OR5AS1: variants seen among roughly 807,000 people sequenced by gnomAD.
OR5AS1 encodes olfactory receptor family 5 subfamily AS member 1, also known as olfactory receptor 5AS1.
For missense variants in OR5AS1, 492 were observed against 378.2 expected (o/e 1.30, Z -2.50); for synonymous variants, 196 against 141.7 (o/e 1.38, Z -2.72).
chr11:56,030,702 A>G lies in OR5AS1; in HGVS notation c.284A>G (p.Tyr95Cys). The change falls in exon 2 of 2, where the codon TAT becomes TGT. Residue 95 changes from tyrosine (Y) to cysteine (C), a missense_variant. Coordinates refer to ENST00000641320, the MANE Select transcript of OR5AS1 (RefSeq NM_001001921.2). ...FLASRKSISP[Y>C]GCALQMFFFA... ...GCATCCAGGAAAAGCATCTCTCCTT[A>G]TGGGTGTGCACTACAAATGTTTTTC... is the stretch of plus-strand genomic sequence containing the variant. 1 of 1,608,046 alleles carries G rather than the reference A, an allele frequency of 6.2e-7. No individual in the cohort carries two copies. The highest frequency in any genetic ancestry group is 8.5e-7 in the Non-Finnish European group (1 of 1,176,206).
rs1208406084 is a variant in OR5AS1, at chr11:56,032,522, AGT to A, written c.*1133_*1134del. On this transcript the variant is annotated 3_prime_UTR_variant, in exon 2 of 2. Transcript: ENST00000641320. ...ACACCATGTACATGTGAAATAAAAA[AGT>A]GTGCATTTTGTAATAATTATGAAAA... 1.3e-5 allele frequency: 2 copies of A among 152,132 alleles called. No homozygotes were observed. Among genetic ancestry groups the A allele is most frequent in the African/African-American group, 4.8e-5 (2 of 41,390 alleles). The allele number at this position is 152,132 out of a possible 1,614,324, so 9.4% of individuals were successfully genotyped here.
rs1024695802 is a variant in OR5AS1, at chr11:56,036,172, A to G, written c.*4779A>G. The stretch of plus-strand genomic sequence containing the variant: ...ATTCACAGTACTAAAGGCCCACAAG[A>G]GAAAGCAGGAAAGATCTAAAATCAA... On this transcript the variant is annotated 3_prime_UTR_variant, in exon 2 of 2. Transcript: ENST00000641320. 6.6e-6 allele frequency: 1 copy of G among 152,174 alleles called. No homozygotes were observed. The highest frequency in any genetic ancestry group is 2.4e-5 in the African/African-American group (1 of 41,410). 9.4% of individuals were successfully genotyped at this position (152,174 alleles called of 1,614,324 possible).
At chr11:56,029,842 T>C (rs547652495) in intron 1 of OR5AS1, among the ~76,000 whole-genome samples, 3 of 152,134 alleles carry the variant, frequency 2.0e-5, no homozygotes, top group South Asian at 2.1e-4. Flanking sequence ...ACACAAACAG[T>C]AAATAGCAAA....
rs772359988 is a variant in OR5AS1 at position 56,030,775 on chromosome 11, T to A, written c.357T>A (p.Ala119=). ...AGTGCCTTATCCTGGCAGCAATGGC[T>A]TATGACCGCTATGCAGCCATCTGCA... ...DAECLILAAM[A]YDRYAAICNP... The change falls in exon 2 of 2, where the codon GCT becomes GCA. Residue 119 remains alanine, a synonymous_variant. Coordinates refer to ENST00000641320, the MANE Select transcript of OR5AS1 (RefSeq NM_001001921.2). 7.4e-6 allele frequency: 12 copies of A among 1,614,010 alleles called. No individual in the cohort carries two copies. In the South Asian group the frequency reaches 1.2e-4, roughly 16 times the overall value.
Position 56,034,719 on chromosome 11 carries a change from C to T in OR5AS1, c.*3326C>T, listed in dbSNP as rs1476588362. The T allele has an allele frequency of 6.6e-6, 1 of 152,086 alleles. No individual in the cohort carries two copies. The allele number at this position is 152,086 out of a possible 1,614,324, so 9.4% of individuals were successfully genotyped here. ...TATCATCCAGGAGAAACTCCCCAACCTAACAAGACAGGCCAACATTCAAAT... is the reference window on the plus strand; with the variant it reads ...TATCATCCAGGAGAAACTCCCCAACTTAACAAGACAGGCCAACATTCAAAT... On this transcript the variant is annotated 3_prime_UTR_variant, in exon 2 of 2. Transcript: ENST00000641320.
rs1220434862 is a variant in OR5AS1, at chr11:56,036,311, A to G, written c.*4918A>G. The G allele has an allele frequency of 6.6e-6, 1 of 152,112 alleles. No homozygotes were observed. The highest frequency in any genetic ancestry group is 2.4e-5 in the African/African-American group (1 of 41,390). The allele number at this position is 152,112 out of a possible 1,614,324, so 9.4% of individuals were successfully genotyped here. A position where few individuals can be genotyped will look rare whatever the true frequency, so the allele number is the denominator to read the frequency against. ...CAGAACTGAAGGAGATAGAGACATGAAAAACCCTTCAAAAAATCAATGAAT... is the reference window on the plus strand; with the variant it reads ...CAGAACTGAAGGAGATAGAGACATGGAAAACCCTTCAAAAAATCAATGAAT... On this transcript the variant is annotated 3_prime_UTR_variant, in exon 2 of 2. Coordinates refer to ENST00000641320, the MANE Select transcript of OR5AS1 (RefSeq NM_001001921.2).
Position 56,034,726 on chromosome 11 carries a change from G to A in OR5AS1, c.*3333G>A, listed in dbSNP as rs934409625. On this transcript the variant is annotated 3_prime_UTR_variant, in exon 2 of 2. Coordinates refer to ENST00000641320, the MANE Select transcript of OR5AS1 (RefSeq NM_001001921.2). ...CAGGAGAAACTCCCCAACCTAACAA[G>A]ACAGGCCAACATTCAAATTCAGGAA... The A allele has an allele frequency of 6.6e-6, 1 of 152,084 alleles. No individual in the cohort carries two copies. The highest frequency in any genetic ancestry group is 2.4e-5 in the African/African-American group (1 of 41,364). The allele number at this position is 152,084 out of a possible 1,614,324, so 9.4% of individuals were successfully genotyped here.
chr11:56,032,327 C>T lies in OR5AS1; in HGVS notation c.*934C>T, dbSNP rs1016422300. On this transcript the variant is annotated 3_prime_UTR_variant, in exon 2 of 2. Transcript: ENST00000641320. ...TCTTCAAGAAGAGGTGAAAATTACA[C>T]TGATCTTTTATTCTGTAAATTTACA... The T allele has an allele frequency of 2.6e-5, 4 of 152,094 alleles. No individual in the cohort carries two copies. The highest frequency in any genetic ancestry group is 6.6e-5 in the Admixed American group (1 of 15,266). The allele number at this position is 152,094 out of a possible 1,614,324, so 9.4% of individuals were successfully genotyped here. A position where few individuals can be genotyped will look rare whatever the true frequency, so the allele number is the denominator to read the frequency against.
In OR5AS1 at chr11:56,031,235, G is replaced by A. The variant is rs752252998; in HGVS notation, c.817G>A (p.Val273Met). 5.6e-6 allele frequency: 9 copies of A among 1,613,662 alleles called. No homozygotes were observed. The Admixed American group carries it at 1.3e-4, about 24-fold the overall frequency. Residue 273 changes from valine (V) to methionine (M), a missense_variant, in exon 2 of 2, where the codon GTG (valine) becomes ATG (methionine). By Grantham distance (21) the Val-to-Met change is conservative. Transcript: ENST00000641320. ...TTSYSLDTDK[V>M]VAVFYTVVFP... ...TAGCTATTCCCTAGACACTGATAAG[G>A]TGGTGGCAGTGTTTTATACTGTTGT...
rs780358360 is a variant in OR5AS1, at chr11:56,031,355, G to T, written c.937G>T (p.Glu313Ter). The T allele has an allele frequency of 6.4e-7, 1 of 1,562,284 alleles. No individual in the cohort carries two copies. The highest frequency in any genetic ancestry group is 1.2e-5 in the South Asian group (1 of 86,404). Residue 313 changes from glutamate (E) to a stop codon, truncating the protein, a stop_gained, in exon 2 of 2, where the codon GAA becomes TAA. Coordinates refer to ENST00000641320, the MANE Select transcript of OR5AS1 (RefSeq NM_001001921.2). LOFTEE classifies it low-confidence loss of function (END_TRUNC). The part of the protein sequence containing the change: ...KLLERIGYSN[E>*]WYLNRLRIVN... ...ATTAGAAAGAATTGGATATTCAAAT[G>T]AATGGTATTTAAATCGTTTAAGAAT...
intron 1 of OR5AS1, among the ~76,000 whole-genome samples, chr11:56,027,938 G>T (rs1452572516): frequency 7.5e-6 from 1 of 134,084 alleles, no homozygotes; most frequent in Non-Finnish European, 1.8e-5. Flanking sequence ...AAAATGTCAC[G>T]CCCAATTCGT....
chr11:56,031,977 G>T lies in OR5AS1; in HGVS notation c.*584G>T, dbSNP rs1853356682. 6.6e-6 allele frequency: 1 copy of T among 152,214 alleles called. No individual in the cohort carries two copies. The highest frequency in any genetic ancestry group is 1.5e-5 in the Non-Finnish European group (1 of 68,138). The allele number at this position is 152,214 out of a possible 1,614,324, so 9.4% of individuals were successfully genotyped here. On this transcript the variant is annotated 3_prime_UTR_variant, in exon 2 of 2. Coordinates refer to ENST00000641320, the MANE Select transcript of OR5AS1 (RefSeq NM_001001921.2). The stretch of plus-strand genomic sequence containing the variant: ...GGAAAATACAGCCTTATTTTATTTG[G>T]ACAGTGAGTCTATATTTGTACTCAC...
At chr11:56,028,089 G>A (rs1853314154) in intron 1 of OR5AS1, among the ~76,000 whole-genome samples, 1 of 151,960 alleles carries the variant, frequency 6.6e-6, no homozygotes, top group African/African-American at 2.4e-5. Context: ...CTGCAGTGTG[G>A]TTAATTGTTT....
rs1853334321 is a variant in OR5AS1 at position 56,030,386 on chromosome 11, C to T, written c.-28-5C>T. ...AGTTAACTCACATCTGCTGATACTA[C>T]CTAGGTCCAGTGGGAAAAACAAGAA... On this transcript the variant is annotated splice_region_variant and splice_polypyrimidine_tract_variant and intron_variant, in intron 1 of 1. Coordinates refer to ENST00000641320, the MANE Select transcript of OR5AS1 (RefSeq NM_001001921.2). The T allele has an allele frequency of 2.1e-6, 3 of 1,401,066 alleles. No individual in the cohort carries two copies. The African/African-American group carries it at 4.3e-5, about 20-fold the overall frequency. 86.8% of individuals were successfully genotyped at this position (1,401,066 alleles called of 1,614,324 possible).
chr11:56,030,211 A>G (rs1266971757), intron 1 of OR5AS1, among the ~76,000 whole-genome samples, 180 bp from the exon 2 acceptor site: 1 of 152,124 alleles, frequency 6.6e-6, no homozygotes, highest in Admixed American at 6.6e-5. Flanking sequence ...TCTGCTATCA[A>G]TGGTGATCTT....
intron 1 of OR5AS1, 47 bp from the exon 2 acceptor site, chr11:56,030,344 G>C (rs987861405): frequency 6.6e-5 from 54 of 820,002 alleles, no homozygotes; most frequent in Non-Finnish European, 8.5e-5. Flanking sequence ...AGATACTTTT[G>C]GTTCATCCAT....
In OR5AS1 at chr11:56,030,992, A is replaced by G. The variant is rs200932226; in HGVS notation, c.574A>G (p.Thr192Ala). 2 of 1,614,130 alleles carry G rather than the reference A, an allele frequency of 1.2e-6. No homozygotes were observed. The highest frequency in any genetic ancestry group is 1.3e-5 in the African/African-American group (1 of 74,990). ...PPLLALSCTD[T>A]QINQLLLFAL... ...TCTTCTGGCTTTATCATGTACAGACACTCAGATCAACCAGCTTCTGCTCTT... is the reference window on the plus strand; with the variant it reads ...TCTTCTGGCTTTATCATGTACAGACGCTCAGATCAACCAGCTTCTGCTCTT... Residue 192 changes from threonine to alanine, a missense_variant, in exon 2 of 2, where the codon ACT becomes GCT. Coordinates refer to ENST00000641320, the MANE Select transcript of OR5AS1 (RefSeq NM_001001921.2).
Position 56,030,643 on chromosome 11 carries a change from A to G in OR5AS1, c.225A>G (p.Thr75=). ...NLSFLDISCS[T]AITPKMLANF... is the part of the protein sequence containing the mutation. ...CTTTCTTAGACATCAGCTGTTCTAC[A>G]GCAATCACTCCTAAAATGCTGGCAA... Residue 75 remains threonine, a synonymous_variant, in exon 2 of 2, where the codon ACA becomes ACG. Transcript: ENST00000641320. 1 of 1,571,520 alleles carries G rather than the reference A, an allele frequency of 6.4e-7. No homozygotes were observed. The highest frequency in any genetic ancestry group is 8.6e-7 in the Non-Finnish European group (1 of 1,158,724).
intron 1 of OR5AS1, 53 bp downstream of exon 1, chr11:56,027,765 A>G (rs1853310332): frequency 6.6e-6 from 1 of 151,988 alleles, no homozygotes; most frequent in South Asian, 2.1e-4. Flanking sequence ...TGAATGTAGC[A>G]AAGACCATGA....
Sources: allele counts gnomAD v4.1 joint callset (sites outside exome capture counted in the v4.1 genomes callset), GRCh38; gene constraint gnomAD v4.1.1; transcripts MANE v1.5; gene names NCBI Gene and HGNC (gene_info 2026-07-23, HGNC 2026-07-21).